Variants in DMRT1 observed in about 807,000 individuals in gnomAD.
The protein encoded by DMRT1 is doublesex and mab-3 related transcription factor 1.
Under a neutral mutation model 32.3 loss-of-function variants are expected in DMRT1, and 7 were observed. That is an observed-to-expected ratio of 0.22 (90% confidence interval 0.12 to 0.41). The LOEUF (loss-of-function observed/expected upper bound fraction) is 0.41, where lower values mean the gene tolerates loss of function less well. DMRT1 is among the 10% of genes least tolerant of loss of function. The pLI, the probability that DMRT1 is intolerant of heterozygous loss-of-function variation, is 1.00. For synonymous variants in DMRT1, 278 were observed against 206.1 expected, an observed-to-expected ratio of 1.35 and a Z score of -2.99; for missense variants, 625 against 500.5, an observed-to-expected ratio of 1.25 and a Z score of -2.37.
intron 4 of DMRT1, among the ~76,000 whole-genome samples, chr9:929,852 A>C (rs1288185485): frequency 1.3e-5 from 2 of 152,090 alleles, no homozygotes; most frequent in African/African-American, 4.8e-5. Flanking sequence ...AGTGCCAGTT[A>C]GTGTCTGGGC....
chr9:928,044 C>A (rs1367424425), intron 4 of DMRT1, among the ~76,000 whole-genome samples: 1 of 152,084 alleles, frequency 6.6e-6, no homozygotes, highest in African/African-American at 2.4e-5. Context: ...TTTATTATTT[C>A]TTTTAGTGGG....
intron 2 of DMRT1, among the ~76,000 whole-genome samples, chr9:882,860 C>G (rs530453208): frequency 1.3e-5 from 2 of 150,934 alleles, no homozygotes; most frequent in Non-Finnish European, 2.9e-5. Flanking sequence ...CCACCTCTGC[C>G]TCTCAGGTTC....
chr9:956,871 C>G (rs1354092418), intron 4 of DMRT1, among the ~76,000 whole-genome samples: 1 of 152,180 alleles, frequency 6.6e-6, no homozygotes, highest in Non-Finnish European at 1.5e-5. Flanking sequence ...TTCTGAGAAG[C>G]CCCTTAAGAA....
chr9:939,844 A>G (rs114835971), intron 4 of DMRT1, among the ~76,000 whole-genome samples: 3,637 of 152,308 alleles, frequency 0.024, 154 homozygotes, highest in African/African-American at 0.083. Flanking sequence ...ATTAATACCT[A>G]TAAGGGTGGA....
chr9:889,970 T>A (rs1411303145), intron 2 of DMRT1, among the ~76,000 whole-genome samples: 1 of 152,146 alleles, frequency 6.6e-6, no homozygotes, highest in East Asian at 1.9e-4. Context: ...GATGCTCATA[T>A]AATTTATTAA....
intron 2 of DMRT1, among the ~76,000 whole-genome samples, chr9:852,782 C>G (rs900247324): frequency 6.6e-6 from 1 of 152,230 alleles, no homozygotes; most frequent in Non-Finnish European, 1.5e-5. Flanking sequence ...CCAGCCTCTT[C>G]TGTGGCTCGT....
At chr9:889,477 G>C (rs1009105263) in intron 2 of DMRT1, among the ~76,000 whole-genome samples, 5 of 152,146 alleles carry the variant, frequency 3.3e-5, no homozygotes, top group African/African-American at 1.2e-4. Flanking sequence ...AATAAAATAC[G>C]GGTAAGTGGA....
intron 4 of DMRT1, among the ~76,000 whole-genome samples, chr9:940,010 G>T (rs1241149137): frequency 6.6e-6 from 1 of 152,072 alleles, no homozygotes; most frequent in Non-Finnish European, 1.5e-5. Flanking sequence ...CTCATGATCA[G>T]ATTCCACTTT....
intron 2 of DMRT1, among the ~76,000 whole-genome samples, chr9:877,913 C>CAAT (rs1289320567): frequency 2.4e-4 from 36 of 152,246 alleles, no homozygotes; most frequent in East Asian, 5.8e-4. Flanking sequence ...TGTGCCTGTA[C>CAAT]AATGACCCAT....
chr9:922,741 T>C (rs1246310488), intron 4 of DMRT1, among the ~76,000 whole-genome samples: 3 of 152,230 alleles, frequency 2.0e-5, no homozygotes, highest in Non-Finnish European at 4.4e-5. Context: ...ACTTCAGCCT[T>C]CCTTCACGTC....
At chr9:889,872 C>A (rs1441671200) in intron 2 of DMRT1, among the ~76,000 whole-genome samples, 1 of 152,072 alleles carries the variant, frequency 6.6e-6, no homozygotes, top group African/African-American at 2.4e-5. Flanking sequence ...AAAATGCCTT[C>A]CTAAATGTCT....
At chr9:869,155 G>C (rs1323454094) in intron 2 of DMRT1, among the ~76,000 whole-genome samples, 1 of 152,212 alleles carries the variant, frequency 6.6e-6, no homozygotes, top group African/African-American at 2.4e-5. Flanking sequence ...GACCTTGTTA[G>C]ATTTTTATCC....
intron 2 of DMRT1, among the ~76,000 whole-genome samples, chr9:853,942 C>T (rs1353267535): frequency 1.3e-5 from 2 of 152,012 alleles, no homozygotes; most frequent in Non-Finnish European, 2.9e-5. Context: ...ACTACAGGTG[C>T]ACGCTATCAT....
rs565897350 is a variant in DMRT1 at position 862,240 on chromosome 9, C to T, written c.538+15097C>T. On this transcript the variant is annotated intron_variant, in intron 2 of 4. Coordinates refer to ENST00000382276, the MANE Select transcript of DMRT1 (RefSeq NM_021951.3). ...GAGCACTGAGTGAGCGAGACTCCGT[C>T]TGCACTCCCGGCACCTCGGGAGGCC... Among the ~76,000 whole-genome samples, 450 of 152,228 alleles carry T rather than the reference C, an allele frequency of 3.0e-3. 2 individuals carry two copies. Among genetic ancestry groups the T allele is most frequent in the African/African-American group, 0.011 (439 of 41,552 alleles).
intron 2 of DMRT1, among the ~76,000 whole-genome samples, chr9:850,083 T>C (rs1839078823): frequency 6.6e-6 from 1 of 152,174 alleles, no homozygotes; most frequent in African/African-American, 2.4e-5. Flanking sequence ...CCTCCCAAAG[T>C]TCTGGGATTA....
At chr9:930,048 G>C (rs915616840) in intron 4 of DMRT1, among the ~76,000 whole-genome samples, 3 of 152,132 alleles carry the variant, frequency 2.0e-5, no homozygotes, top group African/African-American at 7.2e-5. Flanking sequence ...TCAAGACCTG[G>C]TTGAAGTCTT....
intron 4 of DMRT1, among the ~76,000 whole-genome samples, chr9:962,151 G>A (rs1819794080): frequency 6.6e-6 from 1 of 152,180 alleles, no homozygotes; most frequent in Admixed American, 6.5e-5. Context: ...TGGATTGCGT[G>A]TATCACCAAA....
At chr9:941,254 A>C (rs1226068904) in intron 4 of DMRT1, among the ~76,000 whole-genome samples, 1 of 152,048 alleles carries the variant, frequency 6.6e-6, no homozygotes, top group African/African-American at 2.4e-5. Context: ...ATGGGGGTCA[A>C]CCTAAGTGTC....
At chr9:863,928 G>A (rs1815842536) in intron 2 of DMRT1, among the ~76,000 whole-genome samples, 1 of 152,120 alleles carries the variant, frequency 6.6e-6, no homozygotes, top group Non-Finnish European at 1.5e-5. Context: ...TTATTGTGGA[G>A]ATTGGCCCTT....
Sources: allele counts gnomAD v4.1 joint callset (sites outside exome capture counted in the v4.1 genomes callset), GRCh38; gene constraint gnomAD v4.1.1; transcripts MANE v1.5; gene names NCBI Gene and HGNC (gene_info 2026-07-23, HGNC 2026-07-21).